The following FYB2 variants were observed in gnomAD, a reference collection of about 807,000 sequenced individuals.
FYB2 encodes the protein FYN-binding protein 2.
In FYB2, 103 loss-of-function variants were observed where a neutral mutation model predicts 94.1. The ratio of observed to expected loss-of-function variants is 1.09; its 90% CI spans 0.93 to 1.29. FYB2 has a LOEUF of 1.29. Ranked by LOEUF, FYB2 falls within the 50% of genes most tolerant of loss-of-function variation. The probability of loss-of-function intolerance (pLI) is 0.00; values close to 1 mark genes in which losing one functional copy is unlikely to be tolerated. For synonymous variants in FYB2, 293 were observed against 287.9 expected, an observed-to-expected ratio of 1.02 and a Z score of -0.18; for missense variants, 896 against 841.5, an observed-to-expected ratio of 1.06 and a Z score of -0.80.
rs753365184 is a variant in FYB2 at position 56,763,953 on chromosome 1, A to AT, written c.1063+3875dup. ...TTGAATCTGTTGTCATATTATGTCT[A>AT]TTTTTTTTTTTTTTTAGATGGAGTT... On this transcript the variant is annotated intron_variant, in intron 5 of 19. Transcript: ENST00000343433. Among the ~76,000 whole-genome samples the AT allele has an allele frequency of 2.5e-3, 330 of 133,842 alleles. 2 individuals carry two copies. Among genetic ancestry groups the AT allele is most frequent in the Middle Eastern group, 8.1e-3 (2 of 248 alleles). The allele number at this position is 133,842 out of a possible 152,430, so 87.8% of individuals were successfully genotyped here.
chr1:56,792,858 A>C, intron 1 of FYB2, 55 bp from the exon 2 acceptor site: 1 of 1,489,338 alleles, frequency 6.7e-7, no homozygotes, highest in Non-Finnish European at 9.1e-7. Flanking sequence ...ACAAACAACA[A>C]CAACAAAAAC....
At chr1:56,755,260 G>T (rs981993862) in intron 7 of FYB2, among the ~76,000 whole-genome samples, 1 of 152,068 alleles carries the variant, frequency 6.6e-6, no homozygotes, top group Non-Finnish European at 1.5e-5. Context: ...AGGGGAGTAG[G>T]GAGGGGAGGA....
intron 6 of FYB2, 25 bp downstream of exon 6, chr1:56,758,691 C>A: frequency 6.4e-7 from 1 of 1,558,652 alleles, no homozygotes; most frequent in Non-Finnish European, 8.8e-7. Context: ...CTTTTAGTTA[C>A]AATGTTGGTA....
At chr1:56,758,027 C>A (rs2100746554) in intron 6 of FYB2, among the ~76,000 whole-genome samples, 1 of 151,236 alleles carries the variant, frequency 6.6e-6, no homozygotes, top group Admixed American at 6.6e-5. Flanking sequence ...GATCTGTCTG[C>A]CTTGGCCTCC....
At chr1:56,748,019 CAT>C (rs1211771870) in intron 9 of FYB2, among the ~76,000 whole-genome samples, 2 of 152,066 alleles carry the variant, frequency 1.3e-5, no homozygotes, top group Non-Finnish European at 2.9e-5. Context: ...AGCTTTTTTT[CAT>C]ATGTTTGTTG....
chr1:56,764,240 C>T (rs979133536), intron 5 of FYB2, among the ~76,000 whole-genome samples: 1 of 152,160 alleles, frequency 6.6e-6, no homozygotes, highest in South Asian at 2.1e-4. Flanking sequence ...AGGTGTGAGG[C>T]ACCGCTCCTG....
chr1:56,775,037 T>G (rs1361082021), intron 4 of FYB2, among the ~76,000 whole-genome samples: 1 of 152,118 alleles, frequency 6.6e-6, no homozygotes, highest in African/African-American at 2.4e-5. Flanking sequence ...TTTGAGATTT[T>G]GGAATTTGGA....
Position 56,743,902 on chromosome 1 carries a change from C to T in FYB2, c.1543+124G>A, listed in dbSNP as rs577347611. 294 of 1,052,484 alleles carry T rather than the reference C, an allele frequency of 2.8e-4. 3 individuals carry two copies. The African/African-American group carries it at 3.2e-3, about 12-fold the overall frequency. 65.2% of individuals were successfully genotyped at this position (1,052,484 alleles called of 1,614,324 possible). On this transcript the variant is annotated intron_variant, in intron 11 of 19. Coordinates refer to ENST00000343433, the MANE Select transcript of FYB2 (RefSeq NM_001004303.5). ...TAGCACATATCTTGGTATTGCTTCTCTTAGCTTCCCACAAATTGGCATTAT... is the reference window on the plus strand; with the variant it reads ...TAGCACATATCTTGGTATTGCTTCTTTTAGCTTCCCACAAATTGGCATTAT...
chr1:56,787,307 A>G (rs903418929), intron 3 of FYB2, 99 bp from the exon 4 acceptor site: 1 of 1,445,864 alleles, frequency 6.9e-7, no homozygotes. Flanking sequence ...GATAATGTGG[A>G]GAGTGGAAGC....
At chr1:56,720,579 A>G (rs1049486235) in intron 17 of FYB2, 14 of 281,066 alleles carry the variant, frequency 5.0e-5, no homozygotes, top group Non-Finnish European at 7.2e-5. Context: ...TTTCACAACC[A>G]TTATTATTAT....
At chr1:56,754,098 CTTCCTTGAGT>C (rs1332100360) in intron 7 of FYB2, among the ~76,000 whole-genome samples, 163 bp from the exon 8 acceptor site, 1 of 151,996 alleles carries the variant, frequency 6.6e-6, no homozygotes, top group Non-Finnish European at 1.5e-5. Context: ...ATATACATAG[CTTCCTTGAGT>C]TTCTGCCTGT....
chr1:56,730,215 C>A (rs963358450), intron 15 of FYB2, among the ~76,000 whole-genome samples: 2 of 140,636 alleles, frequency 1.4e-5, no homozygotes, highest in Non-Finnish European at 3.1e-5. Flanking sequence ...ATAAAAAATA[C>A]AAAAGATCAA....
chr1:56,826,221 T>G, the FYB2 span, among the ~76,000 whole-genome samples: 34 of 152,016 alleles, frequency 2.2e-4, no homozygotes, highest in African/African-American at 8.0e-4. Flanking sequence ...CTGGGAGGGG[T>G]ACCCCCTGCC....
At chr1:56,791,788 C>T (rs1210547771) in intron 2 of FYB2, among the ~76,000 whole-genome samples, 1 of 152,146 alleles carries the variant, frequency 6.6e-6, no homozygotes, top group Admixed American at 6.6e-5. Context: ...ATATAAATTG[C>T]CTAAATTCAT....
chr1:56,787,615 C>A (rs1162062222), intron 3 of FYB2, among the ~76,000 whole-genome samples: 1 of 152,210 alleles, frequency 6.6e-6, no homozygotes, highest in Non-Finnish European at 1.5e-5. Flanking sequence ...CCTTTCCGGG[C>A]ATCATGTCTC....
At chr1:56,758,049 G>A (rs1156462534) in intron 6 of FYB2, among the ~76,000 whole-genome samples, 1 of 151,580 alleles carries the variant, frequency 6.6e-6, no homozygotes, top group Non-Finnish European at 1.5e-5. Flanking sequence ...AAAGTGCTAG[G>A]CTTATAGGCA....
chr1:56,814,218 C>G (rs374590498), intron 1 of FYB2, among the ~76,000 whole-genome samples: 42 of 152,098 alleles, frequency 2.8e-4, no homozygotes, highest in Non-Finnish European at 4.7e-4. Context: ...TGAGGAGGCT[C>G]GAGTTAGAGT....
intron 1 of FYB2, among the ~76,000 whole-genome samples, chr1:56,801,851 T>C (rs146439320): frequency 6.6e-6 from 1 of 152,304 alleles, no homozygotes; most frequent in African/African-American, 2.4e-5. Context: ...TACTTGGGTA[T>C]GTGTAAAAGG....
intron 4 of FYB2, 102 bp from the exon 5 acceptor site, chr1:56,768,040 C>A: frequency 1.2e-6 from 1 of 840,762 alleles, no homozygotes. Context: ...TGTGTCTGGC[C>A]AATATGGTGA....
Sources: gnomAD v4.1 joint callset for allele counts (sites outside exome capture counted in the v4.1 genomes callset) on GRCh38, gnomAD v4.1.1 for gene constraint, MANE v1.5 for transcripts, NCBI Gene and HGNC (gene_info 2026-07-23, HGNC 2026-07-21) for gene names.